The following NAALADL2 variants were observed in gnomAD, a reference collection of about 807,000 sequenced individuals.
NAALADL2 encodes the protein N-acetylated alpha-linked acidic dipeptidase like 2, also known as inactive N-acetylated-alpha-linked acidic dipeptidase-like protein 2.
NAALADL2 carries 76 observed loss-of-function variants against 87.2 expected under a neutral mutation model. The observed-to-expected ratio is 0.87, with a 90% CI of 0.72 to 1.05. The LOEUF (loss-of-function observed/expected upper bound fraction) is 1.05, where lower values mean the gene tolerates loss of function less well. NAALADL2 is among the 50% of genes least tolerant of loss of function. The pLI is 0.00. For synonymous variants in NAALADL2, 354 were observed against 331.0 expected (o/e 1.07, Z -0.75); for missense variants, 1,089 against 945.8 (o/e 1.15, Z -1.99).
intron 2 of NAALADL2, among the ~76,000 whole-genome samples, chr3:174,587,824 C>A (rs559756289): frequency 6.6e-6 from 1 of 152,210 alleles, no homozygotes; most frequent in Admixed American, 6.5e-5. Context: ...TCCTTCATTT[C>A]AACTCTGGTG....
chr3:174,880,360 C>G (rs929355835), intron 1 of NAALADL2, among the ~76,000 whole-genome samples: 8 of 152,102 alleles, frequency 5.3e-5, no homozygotes, highest in Non-Finnish European at 1.2e-4. Context: ...CAAGTAAAAA[C>G]AAGCAAAAAC....
At chr3:174,457,855 A>G (rs779094235) in intron 1 of NAALADL2, among the ~76,000 whole-genome samples, 3 of 152,082 alleles carry the variant, frequency 2.0e-5, no homozygotes, top group African/African-American at 4.8e-5. Flanking sequence ...GCAGGAACAT[A>G]GAGGCCTTTA....
chr3:175,414,169 T>C (rs7433443), intron 5 of NAALADL2, among the ~76,000 whole-genome samples: 27,678 of 152,196 alleles, frequency 0.18, 3,662 homozygotes, highest in African/African-American at 0.37. Context: ...ACGGGAACAG[T>C]ATGCCTGGCT....
intron 3 of NAALADL2, among the ~76,000 whole-genome samples, chr3:174,854,002 C>G (rs1483176605): frequency 6.6e-6 from 1 of 151,590 alleles, no homozygotes; most frequent in African/African-American, 2.4e-5. Flanking sequence ...ATAAAACTAC[C>G]ACATGGTCCA....
chr3:175,202,536 C>G (rs375412659), intron 2 of NAALADL2, among the ~76,000 whole-genome samples: 15 of 152,266 alleles, frequency 9.9e-5, no homozygotes, highest in African/African-American at 3.1e-4. Flanking sequence ...TTTTAGCATG[C>G]TTGGCCAACT....
At chr3:175,794,622 G>A (rs1008015772) in intron 13 of NAALADL2, among the ~76,000 whole-genome samples, 6 of 152,132 alleles carry the variant, frequency 3.9e-5, no homozygotes, top group Non-Finnish European at 8.8e-5. Context: ...GAAAAACAGT[G>A]TAGTTATAGT....
At chr3:175,182,007 A>C (rs933702246) in intron 2 of NAALADL2, among the ~76,000 whole-genome samples, 1 of 151,726 alleles carries the variant, frequency 6.6e-6, no homozygotes, top group Non-Finnish European at 1.5e-5. Flanking sequence ...ACCAATTTAC[A>C]TTCCCACCAA....
intron 9 of NAALADL2, among the ~76,000 whole-genome samples, chr3:175,515,911 A>G (rs1000518293): frequency 4.6e-5 from 7 of 152,210 alleles, no homozygotes; most frequent in African/African-American, 1.4e-4. Flanking sequence ...GGTTGCTTCA[A>G]TTTTTACAGG....
At chr3:174,924,079 T>A (rs987148692) in intron 1 of NAALADL2, among the ~76,000 whole-genome samples, 1 of 152,186 alleles carries the variant, frequency 6.6e-6, no homozygotes, top group Non-Finnish European at 1.5e-5. Context: ...TTTCTTTTTT[T>A]ATTTTAAGTT....
intron 2 of NAALADL2, among the ~76,000 whole-genome samples, chr3:174,606,276 A>G (rs1719050345): frequency 6.6e-6 from 1 of 152,252 alleles, no homozygotes; most frequent in Non-Finnish European, 1.5e-5. Flanking sequence ...TCCTCCTGCA[A>G]AGGAACGCAG....
At chr3:174,749,755 G>T (rs543117976) in intron 3 of NAALADL2, among the ~76,000 whole-genome samples, 1 of 152,226 alleles carries the variant, frequency 6.6e-6, no homozygotes, top group South Asian at 2.1e-4. Flanking sequence ...AAGACTGGTA[G>T]ATAGCTTTAG....
intron 9 of NAALADL2, among the ~76,000 whole-genome samples, chr3:175,495,094 T>TATATATATATATATATATATATATATA (rs1167550415): frequency 2.1e-4 from 28 of 133,256 alleles, no homozygotes; most frequent in African/African-American, 6.8e-4. Flanking sequence ...ATATATATAT[T>TATATATATATATATATATATATATATA]TTTTTTTAAT....
chr3:174,990,596 C>CT (rs1396581039), intron 1 of NAALADL2, among the ~76,000 whole-genome samples: 5 of 151,924 alleles, frequency 3.3e-5, no homozygotes, highest in Non-Finnish European at 7.4e-5. Flanking sequence ...CCGGGAGGAA[C>CT]TTTTCAAAAG....
At chr3:175,417,429 AC>A (rs1198687499) in intron 5 of NAALADL2, among the ~76,000 whole-genome samples, 1 of 152,100 alleles carries the variant, frequency 6.6e-6, no homozygotes, top group East Asian at 1.9e-4. Context: ...AATGCTGTCA[AC>A]TGGAATAAAC....
At position 175,431,668 on chromosome 3, in the gene NAALADL2, G is replaced by A. The variant is rs79115702; in HGVS notation, c.1091-15561G>A. ...TATGACCAAGCAGTGAAAGTCAAAA[G>A]TTCTTTGTATGCAGAAGTGTTCTGT... On this transcript the variant is annotated intron_variant, in intron 5 of 13. Transcript: ENST00000454872. Among the ~76,000 whole-genome samples, 96 of 152,082 alleles carry A rather than the reference G, an allele frequency of 6.3e-4. 1 individual carries two copies. Among genetic ancestry groups the A allele is most frequent in the African/African-American group, 2.2e-3 (91 of 41,532 alleles).
chr3:174,515,246 A>T (rs1198748942), intron 1 of NAALADL2, among the ~76,000 whole-genome samples: 2 of 152,142 alleles, frequency 1.3e-5, no homozygotes, highest in Non-Finnish European at 2.9e-5. Flanking sequence ...ATACTTTGTT[A>T]TTCTTTTAAG....
chr3:174,886,309 T>A (rs1579361645), intron 1 of NAALADL2, among the ~76,000 whole-genome samples: 1 of 151,926 alleles, frequency 6.6e-6, no homozygotes, highest in Non-Finnish European at 1.5e-5. Context: ...GCTAGGCCAG[T>A]CTCTCTTTTT....
intron 10 of NAALADL2, among the ~76,000 whole-genome samples, chr3:175,582,858 C>T (rs1374741201): frequency 2.0e-5 from 3 of 152,158 alleles, no homozygotes; most frequent in Non-Finnish European, 2.9e-5. Flanking sequence ...TCCTTTAAAA[C>T]GTAATGGCCA....
At chr3:175,581,277 A>G (rs1719726850) in intron 10 of NAALADL2, 2 of 197,980 alleles carry the variant, frequency 1.0e-5, no homozygotes, top group Non-Finnish European at 2.2e-5. Flanking sequence ...CCCCATCTCT[A>G]CTAAAAATAC....
Sources: allele counts gnomAD v4.1 joint callset (sites outside exome capture counted in the v4.1 genomes callset), GRCh38; gene constraint gnomAD v4.1.1; transcripts MANE v1.5; gene names NCBI Gene and HGNC (gene_info 2026-07-23, HGNC 2026-07-21).